The following GNG7 variants were observed in gnomAD, a reference collection of about 807,000 sequenced individuals.
The protein encoded by GNG7 is G protein subunit gamma 7.
In GNG7, 1 loss-of-function variant was observed where a neutral mutation model predicts 4.0. That is an observed-to-expected ratio of 0.25 (90% CI 0.09 to 1.18). The LOEUF (loss-of-function observed/expected upper bound fraction) is 1.18, where lower values mean the gene tolerates loss of function less well. Ranked by LOEUF, GNG7 falls within the 50% of genes most tolerant of loss-of-function variation. The pLI, the probability that GNG7 is intolerant of heterozygous loss-of-function variation, is 0.50. For synonymous variants in GNG7, 34 were observed against 36.9 expected (o/e 0.92, Z 0.29); for missense variants, 86 against 91.9 (o/e 0.94, Z 0.26).
chr19:2,630,316 C>T (rs1019261254), intron 2 of GNG7, among the ~76,000 whole-genome samples: 6 of 151,986 alleles, frequency 3.9e-5, no homozygotes, highest in Non-Finnish European at 7.4e-5. Flanking sequence ...GGGCAGGGCC[C>T]GTGGACATGA....
At position 2,633,497 on chromosome 19, in the gene GNG7, A is replaced by G. The variant is rs918083790; in HGVS notation, c.-78+12727T>C. 7.4e-3 allele frequency among the ~76,000 whole-genome samples: 899 copies of G among 121,346 alleles called. 15 individuals carry two copies. The highest frequency in any genetic ancestry group is 0.038 in the African/African-American group (861 of 22,682). 79.6% of individuals were successfully genotyped at this position (121,346 alleles called of 152,430 possible). On this transcript the variant is annotated intron_variant, in intron 2 of 4. Transcript: ENST00000382159. The surrounding 1 kb of genome is among the most constrained non-coding windows in gnomAD (Gnocchi z 5.9). ...CGCGCGCGCGCGCGCGCACACACAC[A>G]CACACACACACACACACACACACAC...
intron 3 of GNG7, among the ~76,000 whole-genome samples, chr19:2,536,946 A>ATT (rs930326594): frequency 6.9e-6 from 1 of 144,572 alleles, no homozygotes; most frequent in African/African-American, 2.6e-5. Context: ...TTTTATTTTT[A>ATT]TTTTTATTTT....
intron 2 of GNG7, among the ~76,000 whole-genome samples, chr19:2,625,426 C>A (rs1460736711): frequency 1.3e-5 from 2 of 152,144 alleles, no homozygotes; most frequent in African/African-American, 4.8e-5. Context: ...GTTGCCCAGG[C>A]TGGTCTCAAA....
At chr19:2,652,812 A>G (rs1323573626) in intron 1 of GNG7, among the ~76,000 whole-genome samples, 1 of 151,248 alleles carries the variant, frequency 6.6e-6, no homozygotes, top group Non-Finnish European at 1.5e-5. Flanking sequence ...GCTGGGCACA[A>G]GGGCTCATGC....
chr19:2,554,881 T>C (rs1452176071), intron 3 of GNG7, among the ~76,000 whole-genome samples: 1 of 152,160 alleles, frequency 6.6e-6, no homozygotes, highest in East Asian at 1.9e-4. Flanking sequence ...ATCTATATGC[T>C]TGTTTAATCT....
At chr19:2,658,104 G>A (rs1412112219) in intron 1 of GNG7, among the ~76,000 whole-genome samples, 1 of 152,070 alleles carries the variant, frequency 6.6e-6, no homozygotes, top group Non-Finnish European at 1.5e-5. Flanking sequence ...CCCGGGCCCA[G>A]CTGTCTTTTC....
At chr19:2,615,128 G>A (rs564703103) in intron 2 of GNG7, among the ~76,000 whole-genome samples, 6 of 152,266 alleles carry the variant, frequency 3.9e-5, no homozygotes, top group South Asian at 4.1e-4. Context: ...GGTACTGGGC[G>A]GCCACTGTCT....
chr19:2,691,107 G>A (rs982365882), intron 1 of GNG7, among the ~76,000 whole-genome samples: 11 of 152,128 alleles, frequency 7.2e-5, no homozygotes, highest in Non-Finnish European at 1.2e-4. Flanking sequence ...GTGCCTGTGG[G>A]TTGCAGGGAG....
chr19:2,602,015 C>T (rs552479336), intron 2 of GNG7, among the ~76,000 whole-genome samples: 1 of 152,038 alleles, frequency 6.6e-6, no homozygotes, highest in South Asian at 2.1e-4. Flanking sequence ...TGGAGGCACC[C>T]TGGGGAAGAA....
chr19:2,554,560 T>C (rs1979488798), intron 3 of GNG7, among the ~76,000 whole-genome samples: 1 of 63,944 alleles, frequency 1.6e-5, no homozygotes, highest in South Asian at 5.4e-4. Context: ...TATATATATA[T>C]TTTTTTTTTT....
At chr19:2,605,173 C>T (rs1421616840) in intron 2 of GNG7, among the ~76,000 whole-genome samples, 1 of 152,144 alleles carries the variant, frequency 6.6e-6, no homozygotes, top group East Asian at 1.9e-4. Context: ...CATGCCTTTC[C>T]TCATGTGTCA....
intron 1 of GNG7, among the ~76,000 whole-genome samples, chr19:2,680,425 C>T (rs1320188075): frequency 6.6e-6 from 1 of 152,084 alleles, no homozygotes; most frequent in Non-Finnish European, 1.5e-5. Flanking sequence ...GCTGGGATTA[C>T]AGGCATGAGC....
At chr19:2,588,565 G>A (rs889874795) in intron 2 of GNG7, among the ~76,000 whole-genome samples, 7 of 152,324 alleles carry the variant, frequency 4.6e-5, no homozygotes, top group African/African-American at 1.2e-4. Flanking sequence ...CGGGCCCCGT[G>A]GAACTTTCTC....
At chr19:2,527,484 T>C (rs58129906) in intron 3 of GNG7, among the ~76,000 whole-genome samples, 13,252 of 152,106 alleles carry the variant, frequency 0.087, 632 homozygotes, top group Middle Eastern at 0.13. Context: ...TGAGGAGGTG[T>C]GGCCTAAACG....
At chr19:2,588,384 G>A (rs905160523) in intron 2 of GNG7, among the ~76,000 whole-genome samples, 4 of 152,152 alleles carry the variant, frequency 2.6e-5, no homozygotes, top group African/African-American at 7.2e-5. Flanking sequence ...AGCACGACGC[G>A]GCTCTCTGCA....
chr19:2,536,418 CA>C (rs112605115), intron 3 of GNG7, among the ~76,000 whole-genome samples: 56 of 131,832 alleles, frequency 4.2e-4, no homozygotes, highest in Admixed American at 7.1e-4. Flanking sequence ...AACTCCATCT[CA>C]AAAAAAAAAA....
intron 3 of GNG7, 26 bp from the exon 4 acceptor site, chr19:2,520,751 G>T (rs1401864683): frequency 1.9e-6 from 2 of 1,049,616 alleles, no homozygotes; most frequent in African/African-American, 1.6e-5. Flanking sequence ...AGGGGTGTGG[G>T]TCAAAGTTCA....
chr19:2,661,395 G>GCCTATAATCC (rs1157474955), intron 1 of GNG7, among the ~76,000 whole-genome samples: 1 of 151,414 alleles, frequency 6.6e-6, no homozygotes, highest in East Asian at 2.0e-4. Flanking sequence ...AGTGGCTCAT[G>GCCTATAATCC]CCTATAATCC....
chr19:2,588,797 TC>T (rs1383629410), intron 2 of GNG7, among the ~76,000 whole-genome samples: 1 of 152,138 alleles, frequency 6.6e-6, no homozygotes, highest in African/African-American at 2.4e-5. Flanking sequence ...CAGGTGGTCA[TC>T]TTTCTGGGGA....
Sources: allele counts gnomAD v4.1 joint callset (sites outside exome capture counted in the v4.1 genomes callset), GRCh38; gene constraint gnomAD v4.1.1; non-coding constraint Gnocchi (gnomAD v3.1); transcripts MANE v1.5; gene names NCBI Gene and HGNC (gene_info 2026-07-23, HGNC 2026-07-21).